Variants in DNAAF4 observed in about 807,000 individuals in gnomAD.
DNAAF4 encodes the protein dynein axonemal assembly factor 4.
In DNAAF4, 43 loss-of-function variants were observed where a neutral mutation model predicts 51.8. The observed-to-expected ratio is 0.83, with a 90% CI of 0.65 to 1.07. The LOEUF (loss-of-function observed/expected upper bound fraction) is 1.07, where lower values mean the gene tolerates loss of function less well. Among genes scored for constraint, DNAAF4 ranks in the 50% least tolerant of loss-of-function variants. The pLI is 0.00. For missense variants in DNAAF4, 581 were observed against 493.0 expected (o/e 1.18, Z -1.69); for synonymous variants, 194 against 165.6 (o/e 1.17, Z -1.32).
At chr15:55,493,320 C>A (rs2058598940) in intron 3 of DNAAF4, among the ~76,000 whole-genome samples, 1 of 152,164 alleles carries the variant, frequency 6.6e-6, no homozygotes, top group African/African-American at 2.4e-5. Context: ...CCTATCTTCA[C>A]AATTGAAGAG....
In DNAAF4 at chr15:55,473,215, ATATATATG is replaced by A. The variant is rs1367946069; in HGVS notation, c.406-6062_406-6055del. Among the ~76,000 whole-genome samples, 202 of 122,954 alleles carry A rather than the reference ATATATATG, an allele frequency of 1.6e-3. 20 individuals carry two copies. Among genetic ancestry groups the A allele is most frequent in the African/African-American group, 5.8e-3 (198 of 33,858 alleles). The allele number at this position is 122,954 out of a possible 152,430, so 80.7% of individuals were successfully genotyped here. On this transcript the variant is annotated intron_variant, in intron 4 of 9. Coordinates refer to ENST00000321149, the MANE Select transcript of DNAAF4 (RefSeq NM_130810.4). ...AAAAAAAAAATATATATATATATAT[ATATATATG>A]TGTGTGTGTATATATATATATGTGT...
In DNAAF4 at chr15:55,491,140, G is replaced by T; in HGVS notation, c.388C>A (p.Leu130Ile). 8 of 1,613,968 alleles carry T rather than the reference G, an allele frequency of 5.0e-6. No homozygotes were observed. Among genetic ancestry groups the T allele is most frequent in the Non-Finnish European group, 6.8e-6 (8 of 1,179,988 alleles). ...CAACTTACCTTCATCATGACACTTA[G>T]TGCGTATTTTTGATCTTCCCGCTTT... The part of the protein sequence containing the change: ...AAKREDQKYA[L>I]SVMMKIEEEE... Residue 130 changes from leucine (L) to isoleucine (I), a missense_variant, in exon 4 of 10, where the codon CTA becomes ATA. Coordinates refer to ENST00000321149, the MANE Select transcript of DNAAF4 (RefSeq NM_130810.4).
chr15:55,507,092 C>T (rs138189510), intron 1 of DNAAF4, among the ~76,000 whole-genome samples: 2 of 152,062 alleles, frequency 1.3e-5, no homozygotes, highest in Non-Finnish European at 2.9e-5. Flanking sequence ...CTCAGGTGAT[C>T]CGTTCACTTC....
intron 4 of DNAAF4, among the ~76,000 whole-genome samples, chr15:55,472,861 G>A (rs2058274203): frequency 6.6e-6 from 1 of 151,828 alleles, no homozygotes; most frequent in South Asian, 2.1e-4. Flanking sequence ...TGCAAAAATT[G>A]TAAATAAAAC....
chr15:55,449,685 C>CAAAA (rs1320931630), intron 6 of DNAAF4, among the ~76,000 whole-genome samples: 1 of 117,654 alleles, frequency 8.5e-6, no homozygotes, highest in East Asian at 2.8e-4. Context: ...ACAACAACAA[C>CAAAA]AAAAAGACCG....
intron 4 of DNAAF4, among the ~76,000 whole-genome samples, chr15:55,476,609 T>C (rs1166347168): frequency 7.2e-5 from 11 of 152,110 alleles, no homozygotes; most frequent in Non-Finnish European, 1.3e-4. Flanking sequence ...TAATAGAACA[T>C]GATTCAGCCT....
At chr15:55,433,887 T>TATAAA (rs1187710509) in intron 8 of DNAAF4, among the ~76,000 whole-genome samples, 13 of 46,848 alleles carry the variant, frequency 2.8e-4, no homozygotes, top group South Asian at 4.5e-4. Context: ...ACATATATTA[T>TATAAA]ATATATATTA....
rs192111441 is a variant in DNAAF4 at position 55,418,302 on chromosome 15, A to G, written c.1048-169T>C. 4.3e-5 allele frequency: 66 copies of G among 1,548,480 alleles called. No homozygotes were observed. The African/African-American group carries it at 7.8e-4, about 18-fold the overall frequency. The stretch of plus-strand genomic sequence containing the variant: ...CTGCCTCCTTGTGTGAACCCTGGCA[A>G]TCCTGTGTTTTCATGTATGTTGGAT... On this transcript the variant is annotated intron_variant, in intron 7 of 7. Transcript: ENST00000448430.
chr15:55,456,604 T>C (rs2141477542), intron 5 of DNAAF4, among the ~76,000 whole-genome samples: 1 of 152,180 alleles, frequency 6.6e-6, no homozygotes, highest in Admixed American at 6.6e-5. Flanking sequence ...AGAAACACTG[T>C]AGGAAAACTG....
chr15:55,484,116 G>A (rs957069264), intron 4 of DNAAF4, among the ~76,000 whole-genome samples: 8 of 151,856 alleles, frequency 5.3e-5, no homozygotes, highest in Non-Finnish European at 7.4e-5. Context: ...GGGAGAAACC[G>A]GAATCCTTGC....
In DNAAF4 at chr15:55,497,805, C is replaced by T. The variant is rs780000683; in HGVS notation, c.178G>A (p.Glu60Lys). 6.2e-7 allele frequency: 1 copy of T among 1,613,892 alleles called. No homozygotes were observed. The change falls in exon 3 of 10, where the codon GAG (glutamate) becomes AAG (lysine). Residue 60 changes from glutamate (E) to lysine (K), a missense_variant. Glu to Lys is a moderately conservative substitution (Grantham distance 56). Coordinates refer to ENST00000321149, the MANE Select transcript of DNAAF4 (RefSeq NM_130810.4). ...TTCCCAATCTTTGCTTTGCTGCTCT[C>T]ATCGTCTATGGGAGCATAAAGAAAT... ...EAFLYAPIDD[E>K]SSKAKIGNDT...
In DNAAF4 at chr15:55,450,238, A is replaced by G. The variant is rs2057912675; in HGVS notation, c.767T>C (p.Val256Ala). ...TATATATACCTCCTCCTCTTCTGCT[A>G]CTTGTGATTCACGAAGAGCTGTTGG... ...VFPTALRESQ[V>A]AEEEEWLHKQ... The change falls in exon 6 of 10, where the codon GTA becomes GCA. Residue 256 changes from valine (V) to alanine (A), a missense_variant. By Grantham distance (64) the Val-to-Ala change is moderately conservative. Coordinates refer to ENST00000321149, the MANE Select transcript of DNAAF4 (RefSeq NM_130810.4). The G allele has an allele frequency of 6.2e-7, 1 of 1,612,226 alleles. No homozygotes were observed. The highest frequency in any genetic ancestry group is 1.3e-5 in the African/African-American group (1 of 74,992).
intron 4 of DNAAF4, among the ~76,000 whole-genome samples, chr15:55,473,295 G>GTGTATATATATA (rs2058289521): frequency 7.8e-6 from 1 of 128,912 alleles, no homozygotes; most frequent in African/African-American, 3.0e-5. Context: ...GTATATATAT[G>GTGTATATATATA]TGTATATATA....
chr15:55,446,147 C>CAG (rs2057803979), intron 6 of DNAAF4, among the ~76,000 whole-genome samples: 1 of 93,932 alleles, frequency 1.1e-5, no homozygotes, highest in East Asian at 3.6e-4. Flanking sequence ...TTCCCAGATG[C>CAG]GGCAGCCGGG....
chr15:55,488,512 C>T (rs569512993), intron 4 of DNAAF4, among the ~76,000 whole-genome samples: 15 of 152,106 alleles, frequency 9.9e-5, no homozygotes, highest in Non-Finnish European at 1.8e-4. Flanking sequence ...CCAAAGTAGA[C>T]GTTTGCTACG....
At chr15:55,436,294 G>T (rs542509615) in intron 7 of DNAAF4, among the ~76,000 whole-genome samples, 24 of 152,066 alleles carry the variant, frequency 1.6e-4, no homozygotes, top group Non-Finnish European at 3.2e-4. Flanking sequence ...AATGGTTAGT[G>T]ATGTTAAACA....
intron 8 of DNAAF4, among the ~76,000 whole-genome samples, chr15:55,433,446 G>A (rs1028089678): frequency 3.3e-5 from 5 of 151,826 alleles, no homozygotes; most frequent in Admixed American, 3.3e-4. Flanking sequence ...CTAACACGGT[G>A]AAACCCCGTC....
intron 5 of DNAAF4, among the ~76,000 whole-genome samples, chr15:55,452,681 AAAAT>A (rs1382797151): frequency 4.6e-5 from 7 of 152,208 alleles, no homozygotes; most frequent in South Asian, 4.1e-4. Flanking sequence ...TTCTTGATAA[AAAAT>A]AAATAAACAA....
chr15:55,482,537 G>A (rs1224373989), intron 4 of DNAAF4, among the ~76,000 whole-genome samples: 1 of 152,002 alleles, frequency 6.6e-6, no homozygotes, highest in Non-Finnish European at 1.5e-5. Context: ...AAACGAGCTG[G>A]GCATGGTGGT....
Sources: allele counts gnomAD v4.1 joint callset (sites outside exome capture counted in the v4.1 genomes callset), GRCh38; gene constraint gnomAD v4.1.1; transcripts MANE v1.5; gene names NCBI Gene and HGNC (gene_info 2026-07-23, HGNC 2026-07-21).